The following DMD variants were observed in gnomAD, a reference collection of about 807,000 sequenced individuals.
DMD encodes dystrophin.
DMD carries 63 observed loss-of-function variants against 330.1 expected under a neutral mutation model. The observed-to-expected ratio is 0.19, with a 90% confidence interval of 0.16 to 0.24. The LOEUF (loss-of-function observed/expected upper bound fraction) is 0.24. DMD is among the 10% of genes least tolerant of loss of function. DMD has a pLI of 1.00. For synonymous variants in DMD, 1,223 were observed against 959.8 expected (o/e 1.27, Z -5.07); for missense variants, 3,344 against 2,684.1 (o/e 1.25, Z -5.43).
intron 52 of DMD, among the ~76,000 whole-genome samples, chrX:31,685,838 C>CTT (rs2082655542): frequency 1.8e-5 from 2 of 112,396 alleles, no homozygotes; most frequent in African/African-American, 6.5e-5. Context: ...TGCCTTTACC[C>CTT]CCTTGTGGTT....
chrX:32,467,236 GT>G (rs2040122987), intron 23 of DMD, among the ~76,000 whole-genome samples: 1 of 112,067 alleles, frequency 8.9e-6, no homozygotes, highest in South Asian at 3.6e-4. Context: ...TTGTTGCAAT[GT>G]TTTTCCATCA....
At position 32,614,399 on chromosome X, in the gene DMD, G is replaced by C. The variant is rs2057403415; in HGVS notation, c.1386C>G (p.Asp462Glu). ...TTCTTTCTTCTGTTTTTGTTAGCCAGTCATTCAACTCTTTCAGTTTCTGAT... is the reference window on the plus strand; with the variant it reads ...TTCTTTCTTCTGTTTTTGTTAGCCACTCATTCAACTCTTTCAGTTTCTGAT... ...LQNQKLKELNDWLTKTEERTR... is the reference protein window; with the variant it reads ...LQNQKLKELNEWLTKTEERTR... The change falls in exon 12 of 79, where the codon GAC becomes GAG. Residue 462 changes from aspartate to glutamate, a missense_variant. By Grantham distance (45) the Asp-to-Glu change is conservative (BLOSUM62 2). Transcript: ENST00000357033. The C allele has an allele frequency of 8.3e-7, 1 of 1,204,447 alleles. No homozygotes were observed. The highest frequency in any genetic ancestry group is 1.1e-6 in the Non-Finnish European group (1 of 891,531).
intron 55 of DMD, among the ~76,000 whole-genome samples, chrX:31,526,547 A>T (rs1358226202): frequency 1.8e-5 from 2 of 112,058 alleles, no homozygotes; most frequent in Non-Finnish European, 3.8e-5. Flanking sequence ...ACTTTGGGTT[A>T]TATGATTTGG....
At chrX:32,282,613 G>T (rs1210942971) in intron 43 of DMD, among the ~76,000 whole-genome samples, 4 of 111,983 alleles carry the variant, frequency 3.6e-5, no homozygotes, top group African/African-American at 1.3e-4. Context: ...GACAATGTAT[G>T]GAAGCAGGTA....
chrX:33,216,582 G>A (rs775740439), intron 1 of DMD, among the ~76,000 whole-genome samples: 10 of 110,811 alleles, frequency 9.0e-5, no homozygotes, highest in Non-Finnish European at 1.7e-4. Flanking sequence ...TCCTGAACAT[G>A]TACCCCCGAT....
chrX:32,528,925 T>TA (rs2047188203), intron 17 of DMD, among the ~76,000 whole-genome samples: 2 of 79,629 alleles, frequency 2.5e-5, no homozygotes, highest in Non-Finnish European at 4.8e-5. Context: ...TTTTTTTTTT[T>TA]AATTTTATTT....
chrX:33,070,921 T>C (rs1405870499), intron 1 of DMD, among the ~76,000 whole-genome samples: 1 of 109,157 alleles, frequency 9.2e-6, no homozygotes, highest in Non-Finnish European at 1.9e-5. Flanking sequence ...ACAAAATGAT[T>C]AAATCAAGTC....
chrX:32,530,325 A>G (rs1372631577), intron 17 of DMD, among the ~76,000 whole-genome samples: 7 of 112,366 alleles, frequency 6.2e-5, no homozygotes, highest in Non-Finnish European at 9.4e-5. Context: ...TGGCACCCAT[A>G]GAATCGTTGA....
intron 52 of DMD, among the ~76,000 whole-genome samples, chrX:31,693,433 G>T (rs1179763479): frequency 1.8e-5 from 2 of 111,247 alleles, no homozygotes; most frequent in Admixed American, 1.9e-4. Context: ...GAGCAATTAG[G>T]CAGGAGAAAG....
intron 7 of DMD, among the ~76,000 whole-genome samples, chrX:32,779,257 C>A (rs748366871): frequency 4.1e-4 from 43 of 104,608 alleles, no homozygotes; most frequent in Non-Finnish European, 6.6e-4. Context: ...TTTTACTGCA[C>A]ACACACAGAG....
chrX:33,027,147 G>A (rs1237855794), intron 1 of DMD, among the ~76,000 whole-genome samples: 1 of 112,132 alleles, frequency 8.9e-6, no homozygotes, highest in Non-Finnish European at 1.9e-5. Context: ...TTTCTAATTA[G>A]CTAACTTTTG....
At chrX:32,882,334 T>A (rs1393265582) in intron 2 of DMD, among the ~76,000 whole-genome samples, 1 of 112,071 alleles carries the variant, frequency 8.9e-6, no homozygotes. Context: ...CTTCTCTTTG[T>A]CAATTTTTCA....
chrX:32,321,345 T>G (rs896229586), intron 41 of DMD, among the ~76,000 whole-genome samples: 2 of 111,263 alleles, frequency 1.8e-5, no homozygotes, highest in Non-Finnish European at 3.8e-5. Context: ...GAAGAGAGAA[T>G]GATGATGAAC....
At chrX:31,829,329 A>G (rs1041100544) in intron 49 of DMD, among the ~76,000 whole-genome samples, 1 of 110,672 alleles carries the variant, frequency 9.0e-6, no homozygotes, top group Admixed American at 9.7e-5. Flanking sequence ...GCCACTATAG[A>G]ACTCATCCAT....
intron 55 of DMD, among the ~76,000 whole-genome samples, chrX:31,601,245 A>C (rs752987089): frequency 2.1e-4 from 24 of 112,581 alleles, no homozygotes; most frequent in Middle Eastern, 4.6e-3. Flanking sequence ...GACATGGTCT[A>C]ACTTGATATA....
chrX:31,751,301 T>C (rs2088548379), intron 51 of DMD, among the ~76,000 whole-genome samples: 1 of 111,453 alleles, frequency 9.0e-6, no homozygotes, highest in African/African-American at 3.3e-5. Flanking sequence ...TCTAGCCCTG[T>C]CCACATGTCA....
intron 1 of DMD, among the ~76,000 whole-genome samples, chrX:33,063,754 C>T (rs184799329): frequency 2.8e-4 from 31 of 110,654 alleles, no homozygotes; most frequent in African/African-American, 9.5e-4. Flanking sequence ...CCATACCCCA[C>T]CCCAGACCAA....
intron 43 of DMD, among the ~76,000 whole-genome samples, chrX:32,283,404 ATT>A (rs2097427996): frequency 8.9e-6 from 1 of 111,829 alleles, no homozygotes; most frequent in Non-Finnish European, 1.9e-5. Context: ...ATTTATTTTG[ATT>A]TAACCCAAAT....
intron 61 of DMD, among the ~76,000 whole-genome samples, chrX:31,326,092 G>A (rs773976169): frequency 9.1e-6 from 1 of 110,348 alleles, no homozygotes; most frequent in South Asian, 3.9e-4. Flanking sequence ...GTGCTGGAGA[G>A]GGCTGCTGGC....
Sources: gnomAD v4.1 joint callset for allele counts (sites outside exome capture counted in the v4.1 genomes callset) on GRCh38, gnomAD v4.1.1 for gene constraint, MANE v1.5 for transcripts, NCBI Gene and HGNC (gene_info 2026-07-23, HGNC 2026-07-21) for gene names.